The following SHANK2 variants were observed in gnomAD, a reference collection of about 807,000 sequenced individuals.
The protein encoded by SHANK2 is SH3 and multiple ankyrin repeat domains 2.
Under a neutral mutation model 133.7 loss-of-function variants are expected in SHANK2, and 43 were observed. The observed-to-expected ratio is 0.32, with a 90% CI of 0.25 to 0.41. SHANK2 has a LOEUF of 0.41. Ranked by LOEUF, SHANK2 falls within the 10% of genes least tolerant of loss-of-function variation. SHANK2 has a pLI of 1.00. For missense variants in SHANK2, 1,994 were observed against 2,235.8 expected, an observed-to-expected ratio of 0.89 and a Z score of 2.18; for synonymous variants, 1,017 against 952.8, an observed-to-expected ratio of 1.07 and a Z score of -1.24.
intron 12 of SHANK2, among the ~76,000 whole-genome samples, chr11:70,812,314 T>A (rs1355103353): frequency 1.3e-5 from 2 of 152,254 alleles, no homozygotes; most frequent in African/African-American, 2.4e-5. Context: ...TGTACACGGT[T>A]GCAGGCAGTG....
chr11:70,949,734 TG>T (rs1555086116), intron 10 of SHANK2, among the ~76,000 whole-genome samples: 1 of 152,194 alleles, frequency 6.6e-6, no homozygotes, highest in Non-Finnish European at 1.5e-5. Flanking sequence ...CAGGCCTCCC[TG>T]GGCCCCCGTG....
At chr11:70,858,901 C>A (rs1312506798) in intron 11 of SHANK2, among the ~76,000 whole-genome samples, 4 of 152,230 alleles carry the variant, frequency 2.6e-5, no homozygotes, top group Non-Finnish European at 5.9e-5. Context: ...GTCCACACAC[C>A]TGTACATGCT....
intron 17 of SHANK2, among the ~76,000 whole-genome samples, chr11:70,613,760 C>CTT (rs1443708855): frequency 1.6e-3 from 32 of 20,388 alleles, no homozygotes; most frequent in Non-Finnish European, 3.7e-4. Context: ...AAGAGGGGAA[C>CTT]TTGTTTTTTT....
intron 20 of SHANK2, among the ~76,000 whole-genome samples, chr11:70,501,583 C>T (rs1295802374): frequency 6.6e-6 from 1 of 152,230 alleles, no homozygotes; most frequent in East Asian, 1.9e-4. Context: ...ATGGTGACTC[C>T]CCGGAACAAA....
At chr11:71,121,268 A>G (rs1331313349) in intron 3 of SHANK2, among the ~76,000 whole-genome samples, 1 of 152,230 alleles carries the variant, frequency 6.6e-6, no homozygotes, top group Non-Finnish European at 1.5e-5. Context: ...CAGAATATAA[A>G]TAAGACATGT....
intron 17 of SHANK2, among the ~76,000 whole-genome samples, chr11:70,539,689 T>C (rs1269916135): frequency 6.6e-6 from 1 of 152,216 alleles, no homozygotes; most frequent in Non-Finnish European, 1.5e-5. Context: ...ATCTGGGCGC[T>C]GACCCATGTC....
At chr11:70,944,330 C>T (rs560377312) in intron 10 of SHANK2, among the ~76,000 whole-genome samples, 10 of 152,234 alleles carry the variant, frequency 6.6e-5, no homozygotes, top group Non-Finnish European at 1.0e-4. Context: ...ATCCCAGGCC[C>T]GGCCCGGCCT....
chr11:70,751,766 T>C (rs186045370), intron 14 of SHANK2, among the ~76,000 whole-genome samples: 1 of 152,314 alleles, frequency 6.6e-6, no homozygotes, highest in African/African-American at 2.4e-5. Flanking sequence ...TGGTAAGGTT[T>C]CCATGTTCTA....
intron 2 of SHANK2, among the ~76,000 whole-genome samples, chr11:71,168,592 G>A (rs1359084450): frequency 1.3e-5 from 2 of 152,158 alleles, no homozygotes; most frequent in Non-Finnish European, 2.9e-5. Flanking sequence ...GGATGCCGAG[G>A]CTGGCGGATC....
chr11:70,595,955 C>T (rs1454474989), intron 17 of SHANK2, among the ~76,000 whole-genome samples: 1 of 152,216 alleles, frequency 6.6e-6, no homozygotes, highest in Non-Finnish European at 1.5e-5. Flanking sequence ...CAGTCGCAAA[C>T]ACAGAGGAGA....
At chr11:70,753,584 A>G (rs1946800448) in intron 14 of SHANK2, among the ~76,000 whole-genome samples, 1 of 143,526 alleles carries the variant, frequency 7.0e-6, no homozygotes, top group Non-Finnish European at 1.5e-5. Context: ...TAAAATTGAT[A>G]AAAATTTTAG....
chr11:70,635,904 G>A (rs1434623945), intron 17 of SHANK2, among the ~76,000 whole-genome samples: 6 of 152,202 alleles, frequency 3.9e-5, no homozygotes, highest in Admixed American at 1.3e-4. Context: ...CCTAGGCCTT[G>A]ACACAGCCTG....
At chr11:70,779,230 G>C (rs1048386527) in intron 14 of SHANK2, among the ~76,000 whole-genome samples, 1 of 151,572 alleles carries the variant, frequency 6.6e-6, no homozygotes, top group African/African-American at 2.4e-5. Flanking sequence ...CGGCAGCGAG[G>C]CTCTGAGTGT....
At chr11:70,797,731 G>A (rs1484989006) in intron 14 of SHANK2, among the ~76,000 whole-genome samples, 1 of 152,116 alleles carries the variant, frequency 6.6e-6, no homozygotes, top group Non-Finnish European at 1.5e-5. Flanking sequence ...CTTGACACGT[G>A]TTCTGTGAGC....
intron 13 of SHANK2, among the ~76,000 whole-genome samples, chr11:70,803,266 C>T (rs1289856802): frequency 6.7e-6 from 1 of 150,160 alleles, no homozygotes; most frequent in Non-Finnish European, 1.5e-5. Context: ...CTCATTCACC[C>T]ACCTATCAAA....
chr11:70,521,529 C>T (rs528319334), intron 17 of SHANK2, among the ~76,000 whole-genome samples: 21 of 152,308 alleles, frequency 1.4e-4, no homozygotes, highest in African/African-American at 4.6e-4. Flanking sequence ...CTTCTACTTC[C>T]TCTTCTTGTA....
At chr11:70,710,937 A>G (rs1159225499) in intron 14 of SHANK2, among the ~76,000 whole-genome samples, 1 of 152,190 alleles carries the variant, frequency 6.6e-6, no homozygotes, top group African/African-American at 2.4e-5. Context: ...TCCTTCACAG[A>G]TCTTTTTTTT....
chr11:71,119,099 G>A (rs1415030483), intron 3 of SHANK2, 67 bp from the exon 4 acceptor site: 51 of 1,433,410 alleles, frequency 3.6e-5, no homozygotes, highest in African/African-American at 7.1e-5. Context: ...CATGTGGGGC[G>A]CGTGGTCAGA....
chr11:70,837,997 A>G (rs1407759860), intron 11 of SHANK2, among the ~76,000 whole-genome samples: 5 of 150,762 alleles, frequency 3.3e-5, no homozygotes, highest in Admixed American at 6.6e-5. Flanking sequence ...AAAAAAAAAA[A>G]AAAAGAAAAA....
Sources: gnomAD v4.1 joint callset for allele counts (sites outside exome capture counted in the v4.1 genomes callset) on GRCh38, gnomAD v4.1.1 for gene constraint, MANE v1.5 for transcripts, NCBI Gene and HGNC (gene_info 2026-07-23, HGNC 2026-07-21) for gene names.